UGT2A1: variants seen among roughly 807,000 people sequenced by gnomAD.
The protein encoded by UGT2A1 is UDP glucuronosyltransferase family 2 member A1 complex locus, also known as UDP-glucuronosyltransferase 2A1.
A neutral mutation model predicts 45.4 loss-of-function variants in UGT2A1; 61 were observed. The ratio of observed to expected loss-of-function variants is 1.34; its 90% CI spans 1.09 to 1.66. UGT2A1 has a LOEUF of 1.66. Ranked by LOEUF, UGT2A1 falls within the 40% of genes most tolerant of loss-of-function variation. The probability of loss-of-function intolerance (pLI) is 0.00; values close to 1 mark genes in which losing one functional copy is unlikely to be tolerated. For missense variants in UGT2A1, 649 were observed against 574.3 expected (o/e 1.13, Z -1.33); for synonymous variants, 229 against 196.2 (o/e 1.17, Z -1.40).
chr4:69,632,885 C>CAA (rs199639033), intron 3 of UGT2A1, among the ~76,000 whole-genome samples: 2,249 of 87,542 alleles, frequency 0.026, 64 homozygotes, highest in African/African-American at 0.084. Flanking sequence ...AAGACTCGGT[C>CAA]AAAAAAAAAA....
At chr4:69,601,686 G>A (rs1194006269) in intron 3 of UGT2A1, among the ~76,000 whole-genome samples, 1 of 151,944 alleles carries the variant, frequency 6.6e-6, no homozygotes, top group African/African-American at 2.4e-5. Flanking sequence ...AATAACCAAG[G>A]AATCTCACAA....
At chr4:69,630,774 C>T (rs921369370) in intron 3 of UGT2A1, among the ~76,000 whole-genome samples, 6 of 152,080 alleles carry the variant, frequency 3.9e-5, no homozygotes, top group South Asian at 2.1e-4. Flanking sequence ...AAGGTGAAAC[C>T]GTGAATGCAA....
intron 3 of UGT2A1, among the ~76,000 whole-genome samples, chr4:69,600,313 A>G (rs1414932133): frequency 6.6e-6 from 1 of 152,230 alleles, no homozygotes; most frequent in Non-Finnish European, 1.5e-5. Flanking sequence ...CCCAGACTCC[A>G]GCAGGGACAG....
chr4:69,605,889 T>C (rs1469922202), intron 3 of UGT2A1, among the ~76,000 whole-genome samples: 1 of 136,884 alleles, frequency 7.3e-6, no homozygotes. Context: ...ATTGAATCTC[T>C]GAATAGACCA....
intron 3 of UGT2A1, among the ~76,000 whole-genome samples, chr4:69,600,494 G>A (rs760470619): frequency 9.2e-5 from 14 of 152,168 alleles, no homozygotes; most frequent in Admixed American, 4.6e-4. Context: ...AGTGTGCTAT[G>A]GCCACAGGCA....
At chr4:69,652,149 G>A (rs1038944290) in intron 1 of UGT2A1, among the ~76,000 whole-genome samples, 2 of 150,482 alleles carry the variant, frequency 1.3e-5, no homozygotes, top group Non-Finnish European at 3.0e-5. Context: ...AGACCTGTAA[G>A]GATTCGCCAC....
intron 1 of UGT2A1, among the ~76,000 whole-genome samples, chr4:69,652,382 C>G (rs1027671100): frequency 6.9e-6 from 1 of 145,334 alleles, no homozygotes; most frequent in Admixed American, 7.1e-5. Flanking sequence ...TTCCCGGGTT[C>G]AAGCTATTCT....
chr4:69,614,078 C>T (rs1413579118), intron 3 of UGT2A1, among the ~76,000 whole-genome samples: 1 of 151,542 alleles, frequency 6.6e-6, no homozygotes, highest in Non-Finnish European at 1.5e-5. Context: ...TCTAGAAAAA[C>T]CTAACAACCT....
At chr4:69,611,183 TCACTCAA>T (rs1161255797) in intron 3 of UGT2A1, among the ~76,000 whole-genome samples, 1 of 151,718 alleles carries the variant, frequency 6.6e-6, no homozygotes, top group African/African-American at 2.4e-5. Context: ...TCTTGCTCTG[TCACTCAA>T]GCTGGAGTGC....
chr4:69,629,203 T>C (rs1198634680), intron 3 of UGT2A1, among the ~76,000 whole-genome samples: 1 of 151,364 alleles, frequency 6.6e-6, no homozygotes, highest in Non-Finnish European at 1.5e-5. Flanking sequence ...TTAATACTCC[T>C]CCAGGTAGAA....
intron 1 of UGT2A1, among the ~76,000 whole-genome samples, chr4:69,651,596 G>A (rs1206796304): frequency 6.6e-6 from 1 of 152,154 alleles, no homozygotes; most frequent in Non-Finnish European, 1.5e-5. Flanking sequence ...AATGTCAGGT[G>A]ACAGTTCCAT....
chr4:69,600,030 G>T (rs1719176990), intron 3 of UGT2A1, among the ~76,000 whole-genome samples: 1 of 152,086 alleles, frequency 6.6e-6, no homozygotes, highest in Non-Finnish European at 1.5e-5. Flanking sequence ...TTTACAAGAA[G>T]CAACACAGAA....
At chr4:69,607,183 A>ACTAACAAAAACAGCATG (rs1390324533) in intron 3 of UGT2A1, among the ~76,000 whole-genome samples, 2 of 135,074 alleles carry the variant, frequency 1.5e-5, no homozygotes, top group Admixed American at 1.5e-4. Context: ...GCAAGGCTAC[A>ACTAACAAAAACAGCATG]GTAACCAAAA....
intron 3 of UGT2A1, among the ~76,000 whole-genome samples, chr4:69,618,464 C>A (rs1353608844): frequency 3.3e-5 from 5 of 151,832 alleles, no homozygotes; most frequent in Admixed American, 2.0e-4. Flanking sequence ...ACATTTCTAA[C>A]TTTGTTTATT....
At chr4:69,605,308 C>T (rs1332044489) in intron 3 of UGT2A1, among the ~76,000 whole-genome samples, 1 of 136,910 alleles carries the variant, frequency 7.3e-6, no homozygotes, top group Non-Finnish European at 1.6e-5. Context: ...GAACAACCTG[C>T]TCCTGAATGA....
Position 69,648,251 on chromosome 4 carries a change from C to T in UGT2A1, c.-54-553G>A, listed in dbSNP as rs1009357122. 3.4e-5 allele frequency among the ~76,000 whole-genome samples: 5 copies of T among 148,190 alleles called. No individual in the cohort carries two copies. The South Asian group carries it at 1.1e-3, about 32-fold the overall frequency. ...ATACTTATAAATAATATGTATAACACATATAGTATTATATTACTACTTTAG... is the reference window on the plus strand; with the variant it reads ...ATACTTATAAATAATATGTATAACATATATAGTATTATATTACTACTTTAG... On this transcript the variant is annotated intron_variant, in intron 1 of 6. Coordinates refer to ENST00000286604, the MANE Select transcript of UGT2A1 (RefSeq NM_001252275.3).
intron 1 of UGT2A1, among the ~76,000 whole-genome samples, chr4:69,651,528 T>C (rs950544180): frequency 1.3e-5 from 2 of 152,218 alleles, no homozygotes; most frequent in African/African-American, 4.8e-5. Flanking sequence ...TCTTAGAGAA[T>C]GATAATAAAA....
chr4:69,612,874 A>G lies in UGT2A1; in HGVS notation c.848-13480T>C, dbSNP rs150974962. ...AATTGCAACTGAAACAAAAATTGAC[A>G]TGTGGGGCATAATTAAATAAAGAAC... On this transcript the variant is annotated intron_variant, in intron 3 of 6. Coordinates refer to ENST00000286604, the MANE Select transcript of UGT2A1 (RefSeq NM_001252275.3). Among the ~76,000 whole-genome samples, 657 of 148,616 alleles carry G rather than the reference A, an allele frequency of 4.4e-3. 7 individuals carry two copies. Among genetic ancestry groups the G allele is most frequent in the African/African-American group, 0.015 (602 of 40,404 alleles).
intron 6 of UGT2A1, 32 bp from the exon 7 acceptor site, chr4:69,589,683 C>A (rs760973572): frequency 2.6e-6 from 4 of 1,564,462 alleles, no homozygotes; most frequent in Non-Finnish European, 3.5e-6. Flanking sequence ...AGAAATTAGA[C>A]AATTTTTGTT....
Sources: allele counts gnomAD v4.1 joint callset (sites outside exome capture counted in the v4.1 genomes callset), GRCh38; gene constraint gnomAD v4.1.1; transcripts MANE v1.5; gene names NCBI Gene and HGNC (gene_info 2026-07-23, HGNC 2026-07-21).